The following PALM2AKAP2 variants were observed in gnomAD, a reference collection of about 807,000 sequenced individuals.
The protein encoded by PALM2AKAP2 is PALM2-AKAP2 fusion protein.
A neutral mutation model predicts 71.5 loss-of-function variants in PALM2AKAP2; 37 were observed. That is an observed-to-expected ratio of 0.52 (90% CI 0.40 to 0.68). The LOEUF is 0.68. Among genes scored for constraint, PALM2AKAP2 ranks in the 30% least tolerant of loss-of-function variants. PALM2AKAP2 has a pLI of 0.00. For missense variants in PALM2AKAP2, 1,224 were observed against 1,191.8 expected, an observed-to-expected ratio of 1.03 and a Z score of -0.40; for synonymous variants, 468 against 478.8, an observed-to-expected ratio of 0.98 and a Z score of 0.29.
upstream of PALM2AKAP2, among the ~76,000 whole-genome samples, chr9:110,045,253 G>A (rs1169100151): frequency 6.6e-6 from 1 of 152,100 alleles, no homozygotes; most frequent in Non-Finnish European, 1.5e-5. Context: ...TTACACGTTC[G>A]AGTTATATTT....
chr9:109,689,953 G>A (rs138385266), intron 1 of PALM2AKAP2, among the ~76,000 whole-genome samples: 1 of 152,178 alleles, frequency 6.6e-6, no homozygotes, highest in East Asian at 1.9e-4. Flanking sequence ...GGCCAGGAAT[G>A]TCATGGAGAT....
intron 1 of PALM2AKAP2, 84 bp downstream of exon 1, chr9:109,780,617 C>T: frequency 6.4e-7 from 1 of 1,569,414 alleles, no homozygotes; most frequent in Admixed American, 1.7e-5. Context: ...AGCGGCATGC[C>T]AGCACAGTAG....
At chr9:109,684,943 C>T (rs928629219) in intron 1 of PALM2AKAP2, among the ~76,000 whole-genome samples, 2 of 152,032 alleles carry the variant, frequency 1.3e-5, no homozygotes, top group Non-Finnish European at 2.9e-5. Context: ...GTGGCACATC[C>T]GTACAATAAA....
At chr9:110,009,524 T>C (rs140981077) in intron 6 of PALM2AKAP2, among the ~76,000 whole-genome samples, 1,549 of 151,782 alleles carry the variant, frequency 0.01, 25 homozygotes, top group African/African-American at 0.036. Context: ...ACCATCCTGG[T>C]TAACATGGTG....
Position 109,703,422 on chromosome 9 carries a change from C to G in PALM2AKAP2, c.5+62556C>G, listed in dbSNP as rs192567476. ...TCATTCATTCAAAATATATTTATTGCATACCCAGTATGTTTCTGGCAATAT... is the reference window on the plus strand; with the variant it reads ...TCATTCATTCAAAATATATTTATTGGATACCCAGTATGTTTCTGGCAATAT... On this transcript the variant is annotated intron_variant, in intron 1 of 6. Transcript: ENST00000374531. Among the ~76,000 whole-genome samples the G allele has an allele frequency of 5.9e-5, 9 of 152,134 alleles. No homozygotes were observed. The East Asian group carries it at 1.7e-3, about 29-fold the overall frequency.
At chr9:109,907,542 C>T (rs1279148904) in intron 3 of PALM2AKAP2, among the ~76,000 whole-genome samples, 1 of 152,168 alleles carries the variant, frequency 6.6e-6, no homozygotes, top group Non-Finnish European at 1.5e-5. Context: ...TGATGCAGCC[C>T]TCAGCTTCTG....
intron 3 of PALM2AKAP2, among the ~76,000 whole-genome samples, chr9:109,894,047 A>C (rs991507880): frequency 1.4e-5 from 2 of 147,682 alleles, no homozygotes; most frequent in Non-Finnish European, 3.0e-5. Flanking sequence ...AAAAAAAAAG[A>C]AGCATCTGGC....
At chr9:110,014,960 A>G (rs1033275604) in intron 6 of PALM2AKAP2, among the ~76,000 whole-genome samples, 2 of 150,658 alleles carry the variant, frequency 1.3e-5, no homozygotes, top group Non-Finnish European at 3.0e-5. Context: ...ATTTTACTAT[A>G]TTGTGTTTAA....
At chr9:109,964,069 A>G (rs939313630) in intron 6 of PALM2AKAP2, among the ~76,000 whole-genome samples, 4 of 152,260 alleles carry the variant, frequency 2.6e-5, no homozygotes, top group Non-Finnish European at 5.9e-5. Flanking sequence ...AGTATGAAGT[A>G]TATTTGCCAA....
At chr9:109,714,975 C>A (rs1437255687) in intron 1 of PALM2AKAP2, among the ~76,000 whole-genome samples, 1 of 152,198 alleles carries the variant, frequency 6.6e-6, no homozygotes, top group Non-Finnish European at 1.5e-5. Context: ...GCACTTGCAT[C>A]CTACTGTGCC....
Position 110,151,374 on chromosome 9 carries a change from A to G in PALM2AKAP2, c.2570-4945A>G, listed in dbSNP as rs548471511. The stretch of plus-strand genomic sequence containing the variant: ...CTTTTTTTCTTGAGGCACTTAATAG[A>G]TTCTATGAAGTGAGGTTTTCTGGTT... On this transcript the variant is annotated intron_variant, in intron 2 of 3. Coordinates refer to ENST00000374525, the Ensembl canonical transcript of PALM2AKAP2. Among the ~76,000 whole-genome samples the G allele has an allele frequency of 2.6e-4, 39 of 152,290 alleles. 1 individual carries two copies. The highest frequency in any genetic ancestry group is 6.8e-3 in the Middle Eastern group (2 of 294).
At chr9:109,778,338 G>C (rs1385591649), upstream of PALM2AKAP2, among the ~76,000 whole-genome samples, 1 of 152,242 alleles carries the variant, frequency 6.6e-6, no homozygotes, top group African/African-American at 2.4e-5. Context: ...AACCTCTCTG[G>C]TCTCATTTTC....
chr9:109,938,177 T>C (rs1320791254), intron 6 of PALM2AKAP2, among the ~76,000 whole-genome samples: 2 of 152,256 alleles, frequency 1.3e-5, no homozygotes, highest in African/African-American at 4.8e-5. Context: ...TTCATGCTTT[T>C]GTATATTATT....
chr9:109,712,322 G>A (rs1828255254), intron 1 of PALM2AKAP2, among the ~76,000 whole-genome samples: 2 of 152,316 alleles, frequency 1.3e-5, no homozygotes, highest in South Asian at 2.1e-4. Flanking sequence ...ATTAACCTCA[G>A]AGCTTTTTGC....
intron 1 of PALM2AKAP2, among the ~76,000 whole-genome samples, chr9:109,843,301 CAAAAA>C (rs35634219): frequency 1.3e-3 from 86 of 66,972 alleles, no homozygotes; most frequent in Non-Finnish European, 1.4e-3. Context: ...GCCCCTGTCT[CAAAAA>C]AAAAAAAAAA....
intron 2 of PALM2AKAP2, among the ~76,000 whole-genome samples, chr9:109,873,951 G>T (rs1334221295): frequency 3.3e-5 from 5 of 151,804 alleles, no homozygotes; most frequent in Admixed American, 1.3e-4. Context: ...GACCAGCCTG[G>T]GCAACATAGA....
intron 6 of PALM2AKAP2, among the ~76,000 whole-genome samples, chr9:109,980,600 A>G (rs1038960934): frequency 2.6e-5 from 4 of 152,310 alleles, no homozygotes; most frequent in African/African-American, 9.6e-5. Context: ...GAATCCTATG[A>G]CGACCTAATG....
chr9:110,032,760 A>G (rs970856829), intron 7 of PALM2AKAP2, among the ~76,000 whole-genome samples: 2 of 111,566 alleles, frequency 1.8e-5, no homozygotes, highest in Non-Finnish European at 4.1e-5. Flanking sequence ...ATAAAAAAAC[A>G]AAAAAAATAA....
intron 1 of PALM2AKAP2, among the ~76,000 whole-genome samples, chr9:110,093,589 C>T (rs1250329556): frequency 2.0e-5 from 3 of 152,190 alleles, no homozygotes; most frequent in African/African-American, 4.8e-5. Context: ...GGCATAGCTA[C>T]TCTAATCATG....
Sources: gnomAD v4.1 joint callset for allele counts (sites outside exome capture counted in the v4.1 genomes callset) on GRCh38, gnomAD v4.1.1 for gene constraint, MANE v1.5 for transcripts, NCBI Gene and HGNC (gene_info 2026-07-23, HGNC 2026-07-21) for gene names.